The following RBFOX1 variants were observed in gnomAD, a reference collection of about 807,000 sequenced individuals.
The protein encoded by RBFOX1 is RNA binding fox-1 homolog 1.
In RBFOX1, 8 loss-of-function variants were observed where a neutral mutation model predicts 57.7. The ratio of observed to expected loss-of-function variants is 0.14; its 90% CI spans 0.08 to 0.25. RBFOX1 has a LOEUF of 0.25. Ranked by LOEUF, RBFOX1 falls within the 10% of genes least tolerant of loss-of-function variation. The pLI is 1.00. For synonymous variants in RBFOX1, 326 were observed against 222.4 expected, an observed-to-expected ratio of 1.47 and a Z score of -4.15; for missense variants, 611 against 548.5, an observed-to-expected ratio of 1.11 and a Z score of -1.14.
intron 4 of RBFOX1, among the ~76,000 whole-genome samples, chr16:7,269,113 C>T (rs2095254621): frequency 6.7e-6 from 1 of 149,820 alleles, no homozygotes; most frequent in African/African-American, 2.4e-5. Flanking sequence ...GCCCATAGTC[C>T]TTCGTCTTCC....
At chr16:5,257,559 C>T (rs1567243333) in intron 1 of RBFOX1, among the ~76,000 whole-genome samples, 1 of 152,194 alleles carries the variant, frequency 6.6e-6, no homozygotes, top group Non-Finnish European at 1.5e-5. Context: ...CAAAGGCTCG[C>T]AGGTGATTCT....
At chr16:7,105,937 G>A (rs955183582) in intron 4 of RBFOX1, among the ~76,000 whole-genome samples, 2 of 152,116 alleles carry the variant, frequency 1.3e-5, no homozygotes, top group Non-Finnish European at 2.9e-5. Flanking sequence ...AGGAAGGAAA[G>A]CAATTGTTCT....
At chr16:7,435,684 C>T (rs560067977) in intron 4 of RBFOX1, among the ~76,000 whole-genome samples, 1 of 152,178 alleles carries the variant, frequency 6.6e-6, no homozygotes, top group Non-Finnish European at 1.5e-5. Context: ...TTGCCTGCCC[C>T]CGAAGCTATT....
At chr16:6,880,447 T>C (rs558130602) in intron 3 of RBFOX1, among the ~76,000 whole-genome samples, 1 of 152,324 alleles carries the variant, frequency 6.6e-6, no homozygotes, top group East Asian at 1.9e-4. Flanking sequence ...GGGTTTGCTC[T>C]TCCCCTGTGT....
At chr16:6,782,052 G>C (rs1418868226) in intron 3 of RBFOX1, among the ~76,000 whole-genome samples, 1 of 152,040 alleles carries the variant, frequency 6.6e-6, no homozygotes, top group Non-Finnish European at 1.5e-5. Flanking sequence ...CTGTCACTGG[G>C]CTGGAGTGCA....
intron 5 of RBFOX1, among the ~76,000 whole-genome samples, chr16:7,524,923 T>C (rs767260159): frequency 5.9e-5 from 9 of 152,196 alleles, no homozygotes; most frequent in Non-Finnish European, 1.3e-4. Context: ...ATTATTATCA[T>C]CATCAAAGCA....
At chr16:5,273,964 A>G (rs1225340684) in intron 1 of RBFOX1, among the ~76,000 whole-genome samples, 2 of 152,198 alleles carry the variant, frequency 1.3e-5, no homozygotes, top group Admixed American at 6.5e-5. Flanking sequence ...CTGAATTTAC[A>G]GAAATAGGAA....
downstream of RBFOX1, among the ~76,000 whole-genome samples, chr16:5,603,184 A>G (rs919059205): frequency 6.6e-6 from 1 of 152,232 alleles, no homozygotes; most frequent in East Asian, 1.9e-4. Context: ...TGCAGAAAGT[A>G]TATTTTGCCA....
chr16:7,633,653 G>A (rs1247464483), intron 11 of RBFOX1, among the ~76,000 whole-genome samples: 1 of 152,190 alleles, frequency 6.6e-6, no homozygotes, highest in African/African-American at 2.4e-5. Flanking sequence ...GCTTAAGCAA[G>A]GGCATTCAGA....
intron 1 of RBFOX1, among the ~76,000 whole-genome samples, chr16:6,231,318 G>A (rs747230651): frequency 2.0e-5 from 3 of 151,488 alleles, no homozygotes; most frequent in Non-Finnish European, 2.9e-5. Context: ...GTTGAAAGAT[G>A]AAGGTTATAA....
chr16:5,739,703 C>G (rs1363851709), intron 3 of RBFOX1, among the ~76,000 whole-genome samples: 2 of 152,304 alleles, frequency 1.3e-5, no homozygotes, highest in Middle Eastern at 3.4e-3. Context: ...TTAGAGCCAA[C>G]AGAAAGGCCC....
At chr16:7,579,403 C>G (rs190626557) in intron 5 of RBFOX1, among the ~76,000 whole-genome samples, 1 of 152,200 alleles carries the variant, frequency 6.6e-6, no homozygotes, top group Non-Finnish European at 1.5e-5. Context: ...GAGGTTCTCG[C>G]TCCCCACCTC....
intron 5 of RBFOX1, among the ~76,000 whole-genome samples, chr16:7,578,404 T>A (rs2093496045): frequency 6.6e-6 from 1 of 152,208 alleles, no homozygotes; most frequent in Admixed American, 6.5e-5. Flanking sequence ...GAAGAATGGT[T>A]TGCCAGCTAA....
At chr16:6,732,733 G>C (rs567777852) in intron 3 of RBFOX1, among the ~76,000 whole-genome samples, 1 of 152,182 alleles carries the variant, frequency 6.6e-6, no homozygotes, top group Admixed American at 6.5e-5. Context: ...TATGCCATGG[G>C]AGAACTAGCA....
At chr16:6,596,928 A>G (rs2097781773) in intron 2 of RBFOX1, among the ~76,000 whole-genome samples, 1 of 152,196 alleles carries the variant, frequency 6.6e-6, no homozygotes, top group Admixed American at 6.5e-5. Flanking sequence ...CACACACAGC[A>G]TTAAGTTAGG....
intron 4 of RBFOX1, among the ~76,000 whole-genome samples, chr16:7,198,744 G>C (rs992336098): frequency 1.3e-5 from 2 of 152,204 alleles, no homozygotes; most frequent in African/African-American, 4.8e-5. Context: ...ATTCGTGAAA[G>C]TGGAGTTCTC....
intron 1 of RBFOX1, among the ~76,000 whole-genome samples, chr16:6,188,011 T>C (rs182959498): frequency 3.0e-4 from 46 of 152,354 alleles, no homozygotes; most frequent in African/African-American, 1.1e-3. Context: ...GCTGTGTGTA[T>C]GTATATGTGT....
Position 5,462,057 on chromosome 16 carries a change from T to C in RBFOX1, c.220-5159T>C, listed in dbSNP as rs2068804953. Among the ~76,000 whole-genome samples the C allele has an allele frequency of 2.6e-5, 4 of 152,162 alleles. No homozygotes were observed. The South Asian group carries it at 6.2e-4, about 24-fold the overall frequency. On this transcript the variant is annotated intron_variant, in intron 1 of 2. Transcript: ENST00000585867. ...AGGAGGGTGCCAGCTCCTCACACCA[T>C]CACTGGCACTAAAGATTACCCGTCT... is the stretch of plus-strand genomic sequence containing the variant.
At chr16:7,186,795 C>G (rs1379728396) in intron 4 of RBFOX1, among the ~76,000 whole-genome samples, 1 of 151,118 alleles carries the variant, frequency 6.6e-6, no homozygotes, top group South Asian at 2.1e-4. Context: ...ATCCTGCCAT[C>G]AAGTATCCAG....
Sources: allele counts gnomAD v4.1 joint callset (sites outside exome capture counted in the v4.1 genomes callset), GRCh38; gene constraint gnomAD v4.1.1; transcripts MANE v1.5; gene names NCBI Gene and HGNC (gene_info 2026-07-23, HGNC 2026-07-21).